Variants in RYR3 observed in about 807,000 individuals in gnomAD.
The protein encoded by RYR3 is brain ryanodine receptor-calcium release channel.
A neutral mutation model predicts 584.3 loss-of-function variants in RYR3; 207 were observed. The ratio of observed to expected loss-of-function variants is 0.35; its 90% CI spans 0.32 to 0.40. RYR3 has a LOEUF of 0.40. RYR3 is among the 10% of genes least tolerant of loss of function. RYR3 has a pLI of 1.00. For synonymous variants in RYR3, 2,416 were observed against 2,248.5 expected, an observed-to-expected ratio of 1.07 and a Z score of -2.11; for missense variants, 5,616 against 6,089.2, an observed-to-expected ratio of 0.92 and a Z score of 2.59.
intron 1 of RYR3, among the ~76,000 whole-genome samples, chr15:33,413,159 T>C (rs1008480660): frequency 6.6e-6 from 1 of 152,234 alleles, no homozygotes; most frequent in Non-Finnish European, 1.5e-5. Flanking sequence ...GGCCTTGTTA[T>C]GCCGTTTGAG....
intron 1 of RYR3, among the ~76,000 whole-genome samples, chr15:33,341,711 A>G (rs1971843355): frequency 1.3e-5 from 2 of 152,104 alleles, no homozygotes. Context: ...AAAAAGGCTG[A>G]TATTAGAGGC....
chr15:33,614,719 A>G (rs2060365205), intron 19 of RYR3, among the ~76,000 whole-genome samples: 1 of 152,086 alleles, frequency 6.6e-6, no homozygotes, highest in Non-Finnish European at 1.5e-5. Context: ...ATTTTATATT[A>G]AGGATGTTAA....
rs1294105853 is a variant in RYR3 at position 33,441,348 on chromosome 15, G to A, written c.52-32071G>A. Reference sequence around the variant, plus strand: ...CTTAGGATGAATATTTCTATAATGGGTGCTTTTTAGTCAATGCCTGTATAG... The same window carrying A: ...CTTAGGATGAATATTTCTATAATGGATGCTTTTTAGTCAATGCCTGTATAG... On this transcript the variant is annotated intron_variant, in intron 1 of 103. Coordinates refer to ENST00000634891, the MANE Select transcript of RYR3 (RefSeq NM_001036.6). Among the ~76,000 whole-genome samples, 4 of 151,978 alleles carry A rather than the reference G, an allele frequency of 2.6e-5. 1 individual carries two copies. The South Asian group carries it at 8.3e-4, about 32-fold the overall frequency.
At chr15:33,458,252 A>G (rs1328612097) in intron 1 of RYR3, among the ~76,000 whole-genome samples, 1 of 152,146 alleles carries the variant, frequency 6.6e-6, no homozygotes, top group Non-Finnish European at 1.5e-5. Flanking sequence ...CACCCTCCCC[A>G]ATGTGAGGGG....
intron 81 of RYR3, among the ~76,000 whole-genome samples, chr15:33,825,310 AGACCTTG>A (rs1285959867): frequency 6.6e-6 from 1 of 152,214 alleles, no homozygotes; most frequent in African/African-American, 2.4e-5. Flanking sequence ...ATCAAAGTGA[AGACCTTG>A]AGTCTTCACC....
intron 69 of RYR3, among the ~76,000 whole-genome samples, chr15:33,803,922 G>A (rs2076051022): frequency 1.3e-5 from 2 of 152,190 alleles, no homozygotes; most frequent in African/African-American, 4.8e-5. Context: ...CTGATACCAG[G>A]ACTTGGATCC....
chr15:33,331,762 G>T (rs536863138), intron 1 of RYR3, among the ~76,000 whole-genome samples: 1 of 151,990 alleles, frequency 6.6e-6, no homozygotes, highest in African/African-American at 2.4e-5. Context: ...AGAAGAAATG[G>T]TAAGAAAAAC....
chr15:33,487,810 G>C lies in RYR3; in HGVS notation c.171+14272G>C, dbSNP rs2142441378. On this transcript the variant is annotated intron_variant, in intron 2 of 103. Transcript: ENST00000634891. ...TGGGATGCAATCCTAACTATGTTCA[G>C]ATTCTGAAAAACATGGCTCCACATT... Among the ~76,000 whole-genome samples the C allele has an allele frequency of 1.3e-5, 2 of 152,332 alleles. 1 individual carries two copies. Among genetic ancestry groups the C allele is most frequent in the South Asian group, 4.1e-4 (2 of 4,824 alleles).
At chr15:33,628,998 AT>A (rs752744946) in intron 21 of RYR3, among the ~76,000 whole-genome samples, 24 of 152,212 alleles carry the variant, frequency 1.6e-4, no homozygotes, top group Non-Finnish European at 2.9e-4. Context: ...GTGTTCCATG[AT>A]TTGTGTAAGG....
chr15:33,734,892 T>C (rs2069300748), intron 48 of RYR3, among the ~76,000 whole-genome samples: 1 of 151,970 alleles, frequency 6.6e-6, no homozygotes, highest in Non-Finnish European at 1.5e-5. Context: ...GGCTTCACCA[T>C]GTTAGCCAGG....
At chr15:33,469,025 G>A (rs1444107296) in intron 1 of RYR3, among the ~76,000 whole-genome samples, 1 of 152,186 alleles carries the variant, frequency 6.6e-6, no homozygotes, top group Non-Finnish European at 1.5e-5. Context: ...AAAGCATGGT[G>A]CCTGTCACAT....
chr15:33,846,191 G>GT (rs143107612), intron 93 of RYR3, among the ~76,000 whole-genome samples: 24,888 of 152,190 alleles, frequency 0.16, 2,322 homozygotes, highest in Middle Eastern at 0.22. Context: ...GATGGCTTGG[G>GT]TTTCCAAAAA....
intron 94 of RYR3, 42 bp from the exon 95 acceptor site, chr15:33,853,003 T>C: frequency 1.3e-6 from 2 of 1,546,696 alleles, no homozygotes; most frequent in South Asian, 1.2e-5. Flanking sequence ...TTTTCCTTGA[T>C]GTTAAGAATG....
At chr15:33,730,279 A>C (rs1290426140) in intron 47 of RYR3, among the ~76,000 whole-genome samples, 1 of 152,186 alleles carries the variant, frequency 6.6e-6, no homozygotes, top group African/African-American at 2.4e-5. Context: ...TAAACAGCAA[A>C]TGCTATTCTA....
intron 16 of RYR3, among the ~76,000 whole-genome samples, chr15:33,589,847 C>T (rs951539113): frequency 1.3e-5 from 2 of 152,190 alleles, no homozygotes; most frequent in Non-Finnish European, 1.5e-5. Flanking sequence ...CAGTACCATG[C>T]TATTTTGCTT....
intron 52 of RYR3, among the ~76,000 whole-genome samples, chr15:33,744,995 G>C (rs2070541646): frequency 6.6e-6 from 1 of 152,218 alleles, no homozygotes; most frequent in Admixed American, 6.5e-5. Context: ...AAGACTGGAG[G>C]CTGGGAGGCT....
At chr15:33,860,460 C>T (rs887952876) in intron 100 of RYR3, 135 bp from the exon 101 acceptor site, 14 of 541,702 alleles carry the variant, frequency 2.6e-5, no homozygotes, top group African/African-American at 1.9e-4. Flanking sequence ...CAAAGAAACA[C>T]GAGTATTATT....
chr15:33,600,793 G>A (rs1459890107), intron 16 of RYR3, among the ~76,000 whole-genome samples: 5 of 152,140 alleles, frequency 3.3e-5, no homozygotes, highest in African/African-American at 1.2e-4. Flanking sequence ...CCCACCTACA[G>A]GAGATTCCCA....
chr15:33,819,748 C>A lies in RYR3; in HGVS notation c.10707-8C>A. ...AAGCCTGCTAAATATTTCCTCCATT[C>A]TTTCCAGCAAATTGGAAGACGACCC... is the stretch of plus-strand genomic sequence containing the variant. On this transcript the variant is annotated splice_polypyrimidine_tract_variant and splice_region_variant and intron_variant, in intron 76 of 103. Coordinates refer to ENST00000634891, the MANE Select transcript of RYR3 (RefSeq NM_001036.6). 1 of 1,505,336 alleles carries A rather than the reference C, an allele frequency of 6.6e-7. No individual in the cohort carries two copies. Among genetic ancestry groups the A allele is most frequent in the Non-Finnish European group, 8.9e-7 (1 of 1,118,598 alleles). 93.2% of individuals were successfully genotyped at this position (1,505,336 alleles called of 1,614,324 possible).
Sources: allele counts gnomAD v4.1 joint callset (sites outside exome capture counted in the v4.1 genomes callset), GRCh38; gene constraint gnomAD v4.1.1; transcripts MANE v1.5; gene names NCBI Gene and HGNC (gene_info 2026-07-23, HGNC 2026-07-21).